The following RARB variants were observed in gnomAD, a reference collection of about 807,000 sequenced individuals.
RARB encodes the protein retinoic acid receptor beta, also known as HBV-activated protein.
RARB carries 17 observed loss-of-function variants against 51.9 expected under a neutral mutation model. That is an observed-to-expected ratio of 0.33 (90% CI 0.22 to 0.49). The LOEUF (loss-of-function observed/expected upper bound fraction) is 0.49, where lower values mean the gene tolerates loss of function less well. Among genes scored for constraint, RARB ranks in the 20% least tolerant of loss-of-function variants. RARB has a pLI of 0.99. For missense variants in RARB, 369 were observed against 550.8 expected (o/e 0.67, Z 3.30); for synonymous variants, 215 against 195.4 (o/e 1.10, Z -0.84).
intron 5 of RARB, among the ~76,000 whole-genome samples, chr3:25,404,460 G>T (rs1379058060): frequency 6.6e-6 from 1 of 152,152 alleles, no homozygotes; most frequent in East Asian, 1.9e-4. Context: ...AGACCTGATG[G>T]CTAATTTAAT....
chr3:24,936,983 A>G (rs1695560260), intron 2 of RARB, among the ~76,000 whole-genome samples: 1 of 152,208 alleles, frequency 6.6e-6, no homozygotes, highest in South Asian at 2.1e-4. Flanking sequence ...ATAAGTCTTC[A>G]GTGCCAGTCA....
intron 5 of RARB, among the ~76,000 whole-genome samples, chr3:25,351,085 C>A (rs140104532): frequency 6.6e-6 from 1 of 152,058 alleles, no homozygotes. Flanking sequence ...TCTGGTGCAG[C>A]GCTATATTAT....
chr3:24,985,808 C>T (rs1015157447), intron 2 of RARB, among the ~76,000 whole-genome samples: 2 of 152,228 alleles, frequency 1.3e-5, no homozygotes, highest in African/African-American at 4.8e-5. Context: ...TATGTCACTG[C>T]GCTGAGGCCT....
rs539511196 is a variant in RARB, at chr3:24,946,432, A to G, written c.-380+87680A>G. On this transcript the variant is annotated intron_variant, in intron 2 of 11. Coordinates refer to the RARB transcript ENST00000383772. The stretch of plus-strand genomic sequence containing the variant: ...ATTAGAAGGTGGTGGGAAGTTGGAG[A>G]CAGCATTTAATGAAGAGTGCTGTTC... 1.0e-3 allele frequency among the ~76,000 whole-genome samples: 156 copies of G among 149,916 alleles called. 2 individuals carry two copies. Among genetic ancestry groups the G allele is most frequent in the Non-Finnish European group, 1.1e-3 (74 of 67,136 alleles).
At chr3:25,537,553 G>T (rs1699191647) in intron 3 of RARB, among the ~76,000 whole-genome samples, 1 of 152,120 alleles carries the variant, frequency 6.6e-6, no homozygotes, top group Non-Finnish European at 1.5e-5. Context: ...GTTTTACTGT[G>T]GTGCCCTTGA....
intron 5 of RARB, among the ~76,000 whole-genome samples, chr3:25,291,594 G>C (rs1336572029): frequency 6.6e-6 from 1 of 150,930 alleles, no homozygotes; most frequent in Non-Finnish European, 1.5e-5. Flanking sequence ...AGCTTCACCT[G>C]CCAGTCTGGG....
intron 3 of RARB, among the ~76,000 whole-genome samples, chr3:25,534,436 C>CT (rs1272020939): frequency 6.6e-6 from 1 of 152,056 alleles, no homozygotes; most frequent in Non-Finnish European, 1.5e-5. Context: ...GGTTTTTATA[C>CT]TTTTTTTCCT....
At chr3:24,856,668 C>G (rs564886965) in intron 1 of RARB, among the ~76,000 whole-genome samples, 1 of 152,292 alleles carries the variant, frequency 6.6e-6, no homozygotes, top group South Asian at 2.1e-4. Flanking sequence ...ATGTTACTCT[C>G]TGGTTATTTT....
chr3:25,201,724 G>A (rs1355698829), intron 5 of RARB, among the ~76,000 whole-genome samples: 1 of 152,096 alleles, frequency 6.6e-6, no homozygotes, highest in Non-Finnish European at 1.5e-5. Flanking sequence ...TTTATATGCT[G>A]GATTATGTTT....
intron 5 of RARB, among the ~76,000 whole-genome samples, chr3:25,396,824 C>A (rs1353907979): frequency 6.6e-6 from 1 of 152,124 alleles, no homozygotes; most frequent in African/African-American, 2.4e-5. Context: ...AGAAAACCAG[C>A]AGTGACTGGC....
exon 5 of RARB, chr3:25,174,410 G>C (rs377235312): frequency 7.4e-7 from 1 of 1,351,898 alleles, no homozygotes; most frequent in African/African-American, 1.5e-5. Flanking sequence ...GACCACCAGC[G>C]GCCACGCATG....
intron 2 of RARB, among the ~76,000 whole-genome samples, chr3:24,883,092 T>C (rs978698283): frequency 6.6e-6 from 1 of 152,092 alleles, no homozygotes; most frequent in Non-Finnish European, 1.5e-5. Context: ...GTAGAGTCAC[T>C]AAGTTAACCA....
At chr3:25,247,119 T>C (rs982950160) in intron 5 of RARB, among the ~76,000 whole-genome samples, 1 of 152,196 alleles carries the variant, frequency 6.6e-6, no homozygotes. Flanking sequence ...TCATTTACAC[T>C]GCGAGGGGAA....
intron 1 of RARB, among the ~76,000 whole-genome samples, chr3:24,845,128 C>A (rs1209247509): frequency 6.6e-6 from 1 of 152,092 alleles, no homozygotes; most frequent in Admixed American, 6.5e-5. Context: ...GGATATTTTC[C>A]TCTTCTAACC....
At chr3:25,257,248 G>C (rs554168179) in intron 5 of RARB, among the ~76,000 whole-genome samples, 13 of 152,246 alleles carry the variant, frequency 8.5e-5, no homozygotes, top group African/African-American at 2.6e-4. Flanking sequence ...ACTTGGAGGA[G>C]TGTGCTCCAT....
At chr3:25,306,121 C>A (rs780046655) in intron 5 of RARB, among the ~76,000 whole-genome samples, 1 of 152,074 alleles carries the variant, frequency 6.6e-6, no homozygotes, top group Admixed American at 6.5e-5. Flanking sequence ...GAAAAAAGAC[C>A]CAATTATGCA....
intron 4 of RARB, among the ~76,000 whole-genome samples, chr3:25,157,950 G>A (rs1700406341): frequency 6.6e-6 from 1 of 152,156 alleles, no homozygotes; most frequent in Admixed American, 6.5e-5. Flanking sequence ...CAGAATGTCT[G>A]TAATTTAACA....
At chr3:25,312,273 T>C (rs1243311120) in intron 5 of RARB, among the ~76,000 whole-genome samples, 7 of 152,232 alleles carry the variant, frequency 4.6e-5, no homozygotes, top group Non-Finnish European at 1.0e-4. Context: ...TTTCTGTAGA[T>C]TTTGATAGCT....
At chr3:25,338,030 G>A (rs1306030566) in intron 5 of RARB, among the ~76,000 whole-genome samples, 2 of 149,908 alleles carry the variant, frequency 1.3e-5, no homozygotes, top group South Asian at 4.3e-4. Flanking sequence ...TGAACCACAG[G>A]TTTCACAATA....
Sources: allele counts gnomAD v4.1 joint callset (sites outside exome capture counted in the v4.1 genomes callset), GRCh38; gene constraint gnomAD v4.1.1; transcripts MANE v1.5; gene names NCBI Gene and HGNC (gene_info 2026-07-23, HGNC 2026-07-21).